Variants in UBE2D2 observed in about 807,000 individuals in gnomAD.
UBE2D2 encodes the protein ubiquitin-conjugating enzyme E2 D2.
In UBE2D2, 2 loss-of-function variants were observed where a neutral mutation model predicts 24.2. That is an observed-to-expected ratio of 0.08 (90% confidence interval 0.03 to 0.26). UBE2D2 has a LOEUF of 0.26. UBE2D2 is among the 10% of genes least tolerant of loss of function. The pLI, the probability that UBE2D2 is intolerant of heterozygous loss-of-function variation, is 1.00. For synonymous variants in UBE2D2, 58 were observed against 56.5 expected (o/e 1.03, Z -0.12); for missense variants, 44 against 177.6 (o/e 0.25, Z 4.28).
chr5:139,623,175 TA>T (rs761779205), intron 5 of UBE2D2, among the ~76,000 whole-genome samples, 192 bp from the exon 6 acceptor site: 30 of 145,922 alleles, frequency 2.1e-4, no homozygotes, highest in South Asian at 2.2e-4. Context: ...CCAATTCTGC[TA>T]AAAAAAAAAG....
Position 139,615,012 on chromosome 5 carries a change from G to T in UBE2D2, c.304+46G>T, listed in dbSNP as rs763855220. 20 of 1,507,004 alleles carry T rather than the reference G, an allele frequency of 1.3e-5. No individual in the cohort carries two copies. The East Asian group carries it at 3.4e-4, about 26-fold the overall frequency. The allele number at this position is 1,507,004 out of a possible 1,614,324, so 93.4% of individuals were successfully genotyped here. A position where few individuals can be genotyped will look rare whatever the true frequency, so the allele number is the denominator to read the frequency against. ...TCAAGATAAAGCAACCGTGTCTTTT[G>T]TCTTTTTAGAGTTATTTATTTTTGA... On this transcript the variant is annotated intron_variant, in intron 5 of 6. Coordinates refer to ENST00000398733, the MANE Select transcript of UBE2D2 (RefSeq NM_003339.3).
At chr5:139,551,006 T>TG (rs1752913613) in intron 1 of UBE2D2, among the ~76,000 whole-genome samples, 1 of 152,064 alleles carries the variant, frequency 6.6e-6, no homozygotes, top group Non-Finnish European at 1.5e-5. Flanking sequence ...GACCTTGGTA[T>TG]GGGAAAAAGC....
chr5:139,560,035 G>GTT (rs1167994026), upstream of UBE2D2, among the ~76,000 whole-genome samples: 65 of 133,964 alleles, frequency 4.9e-4, no homozygotes, highest in Admixed American at 9.9e-4. Context: ...CACGAGGTTG[G>GTT]TTTTTTTTTT....
Position 139,535,012 on chromosome 5 carries a change from G to A in UBE2D2, c.-64+8400G>A, listed in dbSNP as rs113948179. ...AAATTAGCCAGGTTTGGTGGTACAT[G>A]CCTGTAGTCCCAGCTACTCAGGAGG... On this transcript the variant is annotated intron_variant, in intron 1 of 6. Coordinates refer to the UBE2D2 transcript ENST00000511725. Among the ~76,000 whole-genome samples the A allele has an allele frequency of 8.5e-3, 1,292 of 152,000 alleles. 9 individuals are homozygous for A. The highest frequency in any genetic ancestry group is 0.029 in the African/African-American group (1,198 of 41,456).
chr5:139,598,945 T>TG (rs1754013879), intron 1 of UBE2D2, among the ~76,000 whole-genome samples: 1 of 109,462 alleles, frequency 9.1e-6, no homozygotes, highest in Non-Finnish European at 1.8e-5. Flanking sequence ...TTTTTTTTTT[T>TG]GAGACAAAGT....
intron 1 of UBE2D2, among the ~76,000 whole-genome samples, chr5:139,571,928 A>AT (rs1753359990): frequency 6.6e-6 from 1 of 150,912 alleles, no homozygotes; most frequent in African/African-American, 2.4e-5. Context: ...GTTTTCCCCT[A>AT]TAAAAAAAAA....
At chr5:139,608,535 G>A (rs1331876696) in intron 2 of UBE2D2, among the ~76,000 whole-genome samples, 2 of 151,990 alleles carry the variant, frequency 1.3e-5, no homozygotes, top group African/African-American at 2.4e-5. Context: ...CAGGCAGATC[G>A]CTTGAGCCCA....
At chr5:139,586,302 CT>C (rs1194849588) in intron 1 of UBE2D2, among the ~76,000 whole-genome samples, 6 of 151,830 alleles carry the variant, frequency 4.0e-5, no homozygotes, top group Non-Finnish European at 7.4e-5. Flanking sequence ...ATATAAATAA[CT>C]TATAAGATGG....
intron 1 of UBE2D2, among the ~76,000 whole-genome samples, chr5:139,538,664 A>T (rs1400673499): frequency 3.9e-5 from 6 of 152,076 alleles, no homozygotes; most frequent in Non-Finnish European, 8.8e-5. Flanking sequence ...TGAGGTCAGG[A>T]GTTCAAGACC....
intron 1 of UBE2D2, among the ~76,000 whole-genome samples, chr5:139,598,856 C>T (rs943772819): frequency 1.3e-5 from 2 of 151,146 alleles, no homozygotes; most frequent in Non-Finnish European, 2.9e-5. Context: ...AGCCATCGCT[C>T]CTGGGAACTA....
intron 5 of UBE2D2, among the ~76,000 whole-genome samples, chr5:139,615,484 CAAAAA>C (rs1011160901): frequency 7.6e-6 from 1 of 131,656 alleles, no homozygotes; most frequent in South Asian, 2.4e-4. Flanking sequence ...GACTCTGTCT[CAAAAA>C]AAAAAAAGAA....
chr5:139,579,830 G>A (rs540497783), intron 1 of UBE2D2, among the ~76,000 whole-genome samples: 76 of 151,976 alleles, frequency 5.0e-4, no homozygotes, highest in Non-Finnish European at 7.8e-4. Context: ...GGCAGATCAC[G>A]AGGTCAGGAG....
chr5:139,595,185 C>A (rs1753934372), intron 1 of UBE2D2, among the ~76,000 whole-genome samples: 1 of 152,060 alleles, frequency 6.6e-6, no homozygotes, highest in Non-Finnish European at 1.5e-5. Flanking sequence ...CGTTTAAAGC[C>A]AACTGTTAAA....
chr5:139,591,329 A>C (rs1753842606), intron 1 of UBE2D2, among the ~76,000 whole-genome samples: 1 of 151,862 alleles, frequency 6.6e-6, no homozygotes, highest in Non-Finnish European at 1.5e-5. Context: ...CATGCTGGTC[A>C]GGCTGGTCTC....
chr5:139,546,727 C>T (rs1248259445), intron 1 of UBE2D2, among the ~76,000 whole-genome samples: 1 of 151,878 alleles, frequency 6.6e-6, no homozygotes, highest in East Asian at 1.9e-4. Flanking sequence ...CTCAAGTGAT[C>T]CACCTGCCTT....
chr5:139,600,698 T>C (rs1444485425), intron 2 of UBE2D2, among the ~76,000 whole-genome samples: 1 of 152,228 alleles, frequency 6.6e-6, no homozygotes. Flanking sequence ...ATTTAAGCTT[T>C]TACCTACAAC....
intron 1 of UBE2D2, among the ~76,000 whole-genome samples, chr5:139,550,719 G>C (rs749951463): frequency 2.7e-5 from 4 of 150,816 alleles, no homozygotes; most frequent in Non-Finnish European, 4.4e-5. Flanking sequence ...TGGGAGGAAT[G>C]AGTAACTCCA....
intron 1 of UBE2D2, among the ~76,000 whole-genome samples, chr5:139,547,465 C>T (rs1408688611): frequency 6.6e-6 from 1 of 151,980 alleles, no homozygotes; most frequent in Non-Finnish European, 1.5e-5. Context: ...CCACCCAGCT[C>T]AACCTCCCAA....
intron 1 of UBE2D2, among the ~76,000 whole-genome samples, chr5:139,591,152 G>A (rs1157118494): frequency 1.4e-5 from 2 of 138,472 alleles, no homozygotes; most frequent in African/African-American, 2.7e-5. Flanking sequence ...ACGGAGTTTC[G>A]CTGTTGTTGC....
Sources: allele counts gnomAD v4.1 joint callset (sites outside exome capture counted in the v4.1 genomes callset), GRCh38; gene constraint gnomAD v4.1.1; transcripts MANE v1.5; gene names NCBI Gene and HGNC (gene_info 2026-07-23, HGNC 2026-07-21).